The following CTNND2 variants were observed in gnomAD, a reference collection of about 807,000 sequenced individuals.
CTNND2 encodes the protein catenin delta 2.
CTNND2 carries 22 observed loss-of-function variants against 144.4 expected under a neutral mutation model. The ratio of observed to expected loss-of-function variants is 0.15; its 90% confidence interval spans 0.11 to 0.22. The LOEUF (loss-of-function observed/expected upper bound fraction) is 0.22, where lower values mean the gene tolerates loss of function less well. Among genes scored for constraint, CTNND2 ranks in the 10% least tolerant of loss-of-function variants. The probability of loss-of-function intolerance (pLI) is 1.00; values close to 1 mark genes in which losing one functional copy is unlikely to be tolerated. For synonymous variants in CTNND2, 751 were observed against 695.6 expected, an observed-to-expected ratio of 1.08 and a Z score of -1.25; for missense variants, 1,353 against 1,618.8, an observed-to-expected ratio of 0.84 and a Z score of 2.82.
intron 10 of CTNND2, among the ~76,000 whole-genome samples, chr5:11,201,364 A>T (rs928183764): frequency 1.3e-5 from 2 of 152,166 alleles, no homozygotes; most frequent in African/African-American, 4.8e-5. Flanking sequence ...AAAATGAAGA[A>T]ATATCCCTCT....
intron 2 of CTNND2, among the ~76,000 whole-genome samples, chr5:11,669,912 CT>C (rs1783791847): frequency 6.6e-6 from 1 of 152,196 alleles, no homozygotes; most frequent in African/African-American, 2.4e-5. Context: ...CCGCTACAAA[CT>C]GCTTTAAATG....
chr5:11,832,049 C>T (rs1040398647), intron 1 of CTNND2, among the ~76,000 whole-genome samples: 2 of 152,050 alleles, frequency 1.3e-5, no homozygotes, highest in African/African-American at 4.8e-5. Context: ...TTTGGGAGTC[C>T]TAGACAGGTG....
At chr5:11,347,811 T>C (rs550694269) in intron 8 of CTNND2, among the ~76,000 whole-genome samples, 51 of 152,338 alleles carry the variant, frequency 3.3e-4, no homozygotes, top group African/African-American at 1.2e-3. Context: ...TTATCCTCTT[T>C]TACATTAGGG....
chr5:11,333,348 C>T (rs1753373614), intron 9 of CTNND2, among the ~76,000 whole-genome samples: 3 of 152,084 alleles, frequency 2.0e-5, no homozygotes, highest in Non-Finnish European at 2.9e-5. Flanking sequence ...ATTGCTGCCT[C>T]GACTTCCTGG....
chr5:11,667,118 A>G (rs114476689), intron 2 of CTNND2, among the ~76,000 whole-genome samples: 3,591 of 152,206 alleles, frequency 0.024, 44 homozygotes, highest in East Asian at 0.057. Flanking sequence ...ATGGCTCCAT[A>G]ATATTCCATG....
intron 20 of CTNND2, among the ~76,000 whole-genome samples, chr5:10,983,122 ATTGTATATTT>A (rs1269118305): frequency 6.6e-6 from 1 of 152,202 alleles, no homozygotes; most frequent in Non-Finnish European, 1.5e-5. Flanking sequence ...ACAGTAATTT[ATTGTATATTT>A]CAGAACAACT....
chr5:11,233,712 G>A (rs1381704758), intron 10 of CTNND2, among the ~76,000 whole-genome samples: 4 of 98,646 alleles, frequency 4.1e-5, no homozygotes, highest in African/African-American at 1.6e-4. Flanking sequence ...TAGAGTTTAC[G>A]TGTCTGTGTG....
chr5:11,838,521 C>A (rs547649172), intron 1 of CTNND2, among the ~76,000 whole-genome samples: 3 of 152,054 alleles, frequency 2.0e-5, no homozygotes, highest in Admixed American at 2.0e-4. Flanking sequence ...TAGACATGGA[C>A]GTTGCTGGGG....
chr5:11,167,745 G>T (rs1169292806), intron 11 of CTNND2, among the ~76,000 whole-genome samples: 1 of 150,010 alleles, frequency 6.7e-6, no homozygotes, highest in Non-Finnish European at 1.5e-5. Context: ...GCCCAGGTTA[G>T]AGTGCAGCGG....
At chr5:11,595,154 G>A (rs559474981) in intron 2 of CTNND2, among the ~76,000 whole-genome samples, 3 of 152,274 alleles carry the variant, frequency 2.0e-5, no homozygotes, top group Admixed American at 6.5e-5. Flanking sequence ...AGCAGTTATC[G>A]CTGCTGAAAT....
chr5:11,836,415 C>T (rs1043448609), intron 1 of CTNND2, among the ~76,000 whole-genome samples: 6 of 151,990 alleles, frequency 3.9e-5, no homozygotes, highest in Non-Finnish European at 7.4e-5. Flanking sequence ...GTAGGGAAGA[C>T]GTGAGCACAT....
chr5:11,007,395 C>G (rs1418812744), intron 18 of CTNND2, among the ~76,000 whole-genome samples: 1 of 152,198 alleles, frequency 6.6e-6, no homozygotes, highest in Non-Finnish European at 1.5e-5. Context: ...ATGAACAGCT[C>G]TCTCAGAGCA....
At chr5:11,179,019 A>G (rs972306468) in intron 11 of CTNND2, among the ~76,000 whole-genome samples, 3 of 152,206 alleles carry the variant, frequency 2.0e-5, no homozygotes, top group African/African-American at 7.2e-5. Context: ...ATGTTCAACA[A>G]TGAGCAGATA....
At chr5:11,037,790 C>G (rs1041829522) in intron 16 of CTNND2, among the ~76,000 whole-genome samples, 2 of 152,006 alleles carry the variant, frequency 1.3e-5, no homozygotes, top group African/African-American at 4.8e-5. Flanking sequence ...TTTTAAAATC[C>G]TTTAAAAATT....
intron 2 of CTNND2, among the ~76,000 whole-genome samples, chr5:11,584,036 C>T (rs573121183): frequency 3.2e-4 from 48 of 152,246 alleles, no homozygotes; most frequent in African/African-American, 1.1e-3. Context: ...GCAGTTAATC[C>T]CCCACCTCGG....
chr5:11,810,871 A>T (rs4273600), intron 1 of CTNND2, among the ~76,000 whole-genome samples: 138,094 of 151,550 alleles, frequency 0.91, 63,868 homozygotes, highest in Non-Finnish European at 1. Context: ...TATTTTTTTA[A>T]AAAAAAAGAC....
intron 9 of CTNND2, among the ~76,000 whole-genome samples, chr5:11,250,491 C>CTCTCTCTCTCTCTATATATATATA (rs869141186): frequency 9.4e-5 from 6 of 64,118 alleles, no homozygotes; most frequent in Non-Finnish European, 1.5e-4. Flanking sequence ...CTCTCTCTCT[C>CTCTCTCTCTCTCTATATATATATA]TATATATATA....
chr5:11,383,722 A>G (rs1044274913), intron 7 of CTNND2, among the ~76,000 whole-genome samples: 8 of 152,250 alleles, frequency 5.3e-5, no homozygotes, highest in Non-Finnish European at 1.2e-4. Context: ...GCATATGAGC[A>G]CAGCATCTGT....
intron 9 of CTNND2, among the ~76,000 whole-genome samples, chr5:11,299,031 T>G (rs779758533): frequency 1.3e-5 from 2 of 152,178 alleles, no homozygotes; most frequent in Non-Finnish European, 2.9e-5. Flanking sequence ...TACAAACACA[T>G]AAATGCTCAC....
Sources: allele counts gnomAD v4.1 joint callset (sites outside exome capture counted in the v4.1 genomes callset), GRCh38; gene constraint gnomAD v4.1.1; transcripts MANE v1.5; gene names NCBI Gene and HGNC (gene_info 2026-07-23, HGNC 2026-07-21).